The following PBX1 variants were observed in gnomAD, a reference collection of about 807,000 sequenced individuals.
The protein encoded by PBX1 is pre-B-cell leukemia transcription factor 1.
In PBX1, 6 loss-of-function variants were observed where a neutral mutation model predicts 53.4. The observed-to-expected ratio is 0.11, with a 90% CI of 0.06 to 0.22. PBX1 has a LOEUF of 0.22. Ranked by LOEUF, PBX1 falls within the 10% of genes least tolerant of loss-of-function variation. PBX1 has a pLI of 1.00. For synonymous variants in PBX1, 204 were observed against 212.3 expected (o/e 0.96, Z 0.34); for missense variants, 251 against 551.4 (o/e 0.46, Z 5.46).
At chr1:164,867,131 CATCTT>C (rs1424367059) in intron 2 of PBX1, among the ~76,000 whole-genome samples, 2 of 152,186 alleles carry the variant, frequency 1.3e-5, no homozygotes, top group Non-Finnish European at 2.9e-5. Flanking sequence ...CTAGGTTTTA[CATCTT>C]CGATCTGCTG....
chr1:164,722,029 C>T (rs941900097), intron 2 of PBX1, among the ~76,000 whole-genome samples: 5 of 152,260 alleles, frequency 3.3e-5, no homozygotes, highest in Admixed American at 3.3e-4. Context: ...ATCTTTTAAA[C>T]CCAGTTTTAT....
intron 2 of PBX1, among the ~76,000 whole-genome samples, chr1:164,583,361 T>C (rs768438305): frequency 4.6e-5 from 7 of 152,190 alleles, no homozygotes; most frequent in Admixed American, 1.3e-4. Context: ...ATTTGGTTTT[T>C]TGCTTCCATT....
intron 2 of PBX1, among the ~76,000 whole-genome samples, chr1:164,673,457 ATTAC>A (rs1661224529): frequency 1.4e-5 from 2 of 146,968 alleles, no homozygotes; most frequent in African/African-American, 5.2e-5. Flanking sequence ...CTTCTGGAAA[ATTAC>A]TAACTTTTTT....
chr1:164,673,270 G>A (rs1442454043), intron 2 of PBX1, among the ~76,000 whole-genome samples: 1 of 152,084 alleles, frequency 6.6e-6, no homozygotes, highest in Non-Finnish European at 1.5e-5. Flanking sequence ...TCACCGGGGT[G>A]TTTGTCACCT....
chr1:164,826,609 T>C (rs974960710), intron 8 of PBX1, among the ~76,000 whole-genome samples: 1 of 152,104 alleles, frequency 6.6e-6, no homozygotes, highest in South Asian at 2.1e-4. Context: ...TTCACCATGT[T>C]GGCCAGGCTG....
chr1:164,639,375 A>G (rs1224574101), intron 2 of PBX1, among the ~76,000 whole-genome samples: 1 of 152,164 alleles, frequency 6.6e-6, no homozygotes, highest in East Asian at 1.9e-4. Flanking sequence ...AAAAGATGAG[A>G]GATCTCTCTC....
intron 2 of PBX1, among the ~76,000 whole-genome samples, chr1:164,628,187 A>C (rs934600689): frequency 6.6e-6 from 1 of 152,192 alleles, no homozygotes; most frequent in Non-Finnish European, 1.5e-5. Flanking sequence ...TTTACTCTGA[A>C]AGGCTTCACT....
chr1:164,686,291 T>G (rs934643323), intron 2 of PBX1, among the ~76,000 whole-genome samples: 4 of 152,212 alleles, frequency 2.6e-5, no homozygotes, highest in African/African-American at 9.6e-5. Flanking sequence ...GTGACTAAAC[T>G]GTTCACCCAT....
chr1:164,867,139 ATCTGCT>A (rs1361275887), intron 2 of PBX1, among the ~76,000 whole-genome samples: 2 of 152,190 alleles, frequency 1.3e-5, no homozygotes, highest in Non-Finnish European at 2.9e-5. Context: ...TACATCTTCG[ATCTGCT>A]GCTTAGGAAC....
At chr1:164,625,128 C>A (rs759305726) in intron 2 of PBX1, among the ~76,000 whole-genome samples, 1 of 152,076 alleles carries the variant, frequency 6.6e-6, no homozygotes, top group Non-Finnish European at 1.5e-5. Context: ...AGCCTGAATT[C>A]CAGAAACTTG....
intron 8 of PBX1, among the ~76,000 whole-genome samples, chr1:164,823,762 AAG>A (rs1230974501): frequency 6.6e-6 from 1 of 152,166 alleles, no homozygotes; most frequent in East Asian, 1.9e-4. Context: ...TGCCACTTGA[AAG>A]AGTCTCTCAC....
chr1:164,636,909 G>A (rs1658818770), intron 2 of PBX1, among the ~76,000 whole-genome samples: 1 of 152,158 alleles, frequency 6.6e-6, no homozygotes, highest in South Asian at 2.1e-4. Context: ...GGATATGGTA[G>A]GAGGATGGCT....
Position 164,804,662 on chromosome 1 carries a change from A to G in PBX1, c.702-2880A>G, listed in dbSNP as rs576599817. Among the ~76,000 whole-genome samples the G allele has an allele frequency of 1.4e-4, 22 of 151,930 alleles. 1 individual carries two copies. In the East Asian group the frequency reaches 4.3e-3, roughly 30 times the overall value. On this transcript the variant is annotated intron_variant, in intron 4 of 8. Coordinates refer to ENST00000420696, the MANE Select transcript of PBX1 (RefSeq NM_002585.4). ...TCACTCACTTCACAAATAGCAGCGC[A>G]ATTAGAATGAAACAGAAGAGGTAGA...
At chr1:164,881,205 G>A (rs1672638693) in intron 2 of PBX1, among the ~76,000 whole-genome samples, 1 of 152,052 alleles carries the variant, frequency 6.6e-6, no homozygotes, top group African/African-American at 2.4e-5. Flanking sequence ...TCACCCTTGA[G>A]TGCTAAAATG....
intron 4 of PBX1, among the ~76,000 whole-genome samples, chr1:164,806,710 C>T (rs16835123): frequency 0.22 from 33,074 of 152,050 alleles, 4,204 homozygotes; most frequent in East Asian, 0.3. Flanking sequence ...ATCATATCTG[C>T]CTCAGTAGTA....
intron 2 of PBX1, among the ~76,000 whole-genome samples, chr1:164,629,044 A>G (rs1658233530): frequency 6.6e-6 from 1 of 151,850 alleles, no homozygotes. Flanking sequence ...GTTTGGACTG[A>G]CCTCAAACAC....
chr1:164,722,843 G>A (rs1413052122), intron 2 of PBX1, among the ~76,000 whole-genome samples: 3 of 152,150 alleles, frequency 2.0e-5, no homozygotes, highest in Admixed American at 6.5e-5. Flanking sequence ...AACTGCCCAG[G>A]GTGATTTCCA....
chr1:164,746,569 G>A (rs937716850), intron 2 of PBX1, among the ~76,000 whole-genome samples: 30 of 152,012 alleles, frequency 2.0e-4, no homozygotes, highest in African/African-American at 7.2e-4. Flanking sequence ...TAGAGACGGG[G>A]TTTTACCACA....
Position 164,812,036 on chromosome 1 carries a change from T to C in PBX1, c.884T>C (p.Ile295Thr). Reference protein sequence around the residue: ...GNKRIRYKKNIGKFQEEANIY... With the variant: ...GNKRIRYKKNTGKFQEEANIY... ...AAGCGAATCCGGTACAAGAAGAACATAGGTAAATTTCAAGAGGAAGCCAAT... is the reference window on the plus strand; with the variant it reads ...AAGCGAATCCGGTACAAGAAGAACACAGGTAAATTTCAAGAGGAAGCCAAT... Residue 295 changes from isoleucine to threonine, a missense_variant, in exon 6 of 9, where the codon ATA (isoleucine) becomes ACA (threonine). Ile to Thr is a moderately conservative substitution (Grantham distance 89). Coordinates refer to ENST00000420696, the MANE Select transcript of PBX1 (RefSeq NM_002585.4). The C allele has an allele frequency of 6.2e-7, 1 of 1,613,640 alleles. No homozygotes were observed. Among genetic ancestry groups the C allele is most frequent in the South Asian group, 1.1e-5 (1 of 91,018 alleles).
Sources: allele counts gnomAD v4.1 joint callset (sites outside exome capture counted in the v4.1 genomes callset), GRCh38; gene constraint gnomAD v4.1.1; transcripts MANE v1.5; gene names NCBI Gene and HGNC (gene_info 2026-07-23, HGNC 2026-07-21).